Variants in UBE2E2 observed in about 807,000 individuals in gnomAD.
UBE2E2 encodes ubiquitin conjugating enzyme E2 E2, also known as ubiquitin-conjugating enzyme E2 E2.
In UBE2E2, 6 loss-of-function variants were observed where a neutral mutation model predicts 24.7. That is an observed-to-expected ratio of 0.24 (90% CI 0.13 to 0.48). The LOEUF is 0.48. Ranked by LOEUF, UBE2E2 falls within the 20% of genes least tolerant of loss-of-function variation. The pLI, the probability that UBE2E2 is intolerant of heterozygous loss-of-function variation, is 0.99. For missense variants in UBE2E2, 169 were observed against 245.0 expected (o/e 0.69, Z 2.07); for synonymous variants, 104 against 83.6 (o/e 1.24, Z -1.33).
intron 3 of UBE2E2, among the ~76,000 whole-genome samples, chr3:23,250,448 G>A (rs903176646): frequency 6.6e-6 from 1 of 152,044 alleles, no homozygotes; most frequent in South Asian, 2.1e-4. Context: ...GAAAAATGGT[G>A]GCATGAACTC....
intron 3 of UBE2E2, among the ~76,000 whole-genome samples, chr3:23,283,601 C>T (rs532928276): frequency 1.4e-4 from 21 of 151,876 alleles, no homozygotes; most frequent in African/African-American, 5.1e-4. Context: ...GTGGCACACA[C>T]TTATAGTCTC....
intron 5 of UBE2E2, among the ~76,000 whole-genome samples, chr3:23,537,863 G>C (rs1193132565): frequency 6.6e-6 from 1 of 152,130 alleles, no homozygotes; most frequent in Non-Finnish European, 1.5e-5. Flanking sequence ...CATTAAGTCA[G>C]ATTAATTATT....
chr3:23,253,207 T>C (rs1697622295), intron 3 of UBE2E2, among the ~76,000 whole-genome samples: 1 of 152,144 alleles, frequency 6.6e-6, no homozygotes, highest in South Asian at 2.1e-4. Flanking sequence ...AATTACACAC[T>C]AAAATGCTTT....
chr3:23,245,910 G>A (rs1390115180), intron 3 of UBE2E2, among the ~76,000 whole-genome samples: 1 of 152,132 alleles, frequency 6.6e-6, no homozygotes, highest in African/African-American at 2.4e-5. Flanking sequence ...TTGACCTGAG[G>A]TTGAACACTT....
chr3:23,228,883 G>A (rs984354401), intron 3 of UBE2E2, among the ~76,000 whole-genome samples: 6 of 152,062 alleles, frequency 3.9e-5, no homozygotes, highest in African/African-American at 1.4e-4. Context: ...ACACACTTTC[G>A]CCTATTTGGA....
intron 3 of UBE2E2, among the ~76,000 whole-genome samples, chr3:23,331,409 CAAAT>C (rs1442058233): frequency 2.1e-5 from 3 of 146,014 alleles, no homozygotes. Flanking sequence ...AGAAAATGAA[CAAAT>C]AAACTATATC....
chr3:23,398,255 G>A (rs906535490), intron 3 of UBE2E2, among the ~76,000 whole-genome samples: 2 of 145,634 alleles, frequency 1.4e-5, no homozygotes, highest in African/African-American at 5.2e-5. Context: ...AGAGGTTTCA[G>A]TGAGCTGAGA....
chr3:23,430,589 C>G (rs1698037941), intron 3 of UBE2E2, among the ~76,000 whole-genome samples: 2 of 152,012 alleles, frequency 1.3e-5, no homozygotes. Flanking sequence ...AGTGCAGTGG[C>G]ATAATCATGG....
chr3:23,584,097 T>C (rs1696549181), intron 5 of UBE2E2, among the ~76,000 whole-genome samples: 1 of 152,230 alleles, frequency 6.6e-6, no homozygotes, highest in Non-Finnish European at 1.5e-5. Flanking sequence ...GTTCCTTCAG[T>C]GCCTAGTTTG....
chr3:23,454,958 A>G (rs754473061), intron 3 of UBE2E2, among the ~76,000 whole-genome samples: 7 of 152,198 alleles, frequency 4.6e-5, no homozygotes, highest in Non-Finnish European at 8.8e-5. Context: ...GAGATTATGA[A>G]AAGTCATTGA....
chr3:23,210,484 T>C (rs1406528582), intron 2 of UBE2E2, among the ~76,000 whole-genome samples: 1 of 152,232 alleles, frequency 6.6e-6, no homozygotes, highest in Non-Finnish European at 1.5e-5. Context: ...ATTCTGCTTA[T>C]GAAAGATGTA....
chr3:23,273,239 A>G (rs1698294200), intron 3 of UBE2E2, among the ~76,000 whole-genome samples: 2 of 152,196 alleles, frequency 1.3e-5, no homozygotes, highest in East Asian at 1.9e-4. Context: ...TGAAACTGCA[A>G]CTTTAAGAGA....
intron 4 of UBE2E2, among the ~76,000 whole-genome samples, chr3:23,512,125 A>G (rs1694608994): frequency 6.6e-6 from 1 of 151,002 alleles, no homozygotes; most frequent in African/African-American, 2.4e-5. Context: ...CAACTGAGCT[A>G]TGAAGTGATC....
chr3:23,395,603 T>C (rs1697055363), intron 3 of UBE2E2, among the ~76,000 whole-genome samples: 1 of 152,212 alleles, frequency 6.6e-6, no homozygotes, highest in South Asian at 2.1e-4. Flanking sequence ...CACCTGGTTC[T>C]CTATCGAATT....
chr3:23,550,778 G>C (rs973078416), intron 5 of UBE2E2, among the ~76,000 whole-genome samples: 7 of 152,178 alleles, frequency 4.6e-5, no homozygotes, highest in Non-Finnish European at 8.8e-5. Context: ...AGAAACCAAA[G>C]AGAGAGGCCA....
chr3:23,415,773 C>G (rs550257483), intron 3 of UBE2E2, among the ~76,000 whole-genome samples: 27 of 152,020 alleles, frequency 1.8e-4, no homozygotes, highest in African/African-American at 6.5e-4. Flanking sequence ...ACTTTAAGTT[C>G]CAGGATACAT....
At chr3:23,236,002 G>T (rs1157603886) in intron 3 of UBE2E2, among the ~76,000 whole-genome samples, 2 of 152,140 alleles carry the variant, frequency 1.3e-5, no homozygotes, top group African/African-American at 4.8e-5. Flanking sequence ...TGATGAATTT[G>T]TGTGTGGAAA....
In UBE2E2 at chr3:23,432,739, TAG is replaced by T. The variant is rs1698089867; in HGVS notation, c.228-66865_228-66864del. Among the ~76,000 whole-genome samples, 9 of 152,106 alleles carry T rather than the reference TAG, an allele frequency of 5.9e-5. No individual in the cohort carries two copies. The South Asian group carries it at 1.9e-3, about 32-fold the overall frequency. On this transcript the variant is annotated intron_variant, in intron 3 of 5. Coordinates refer to ENST00000396703, the MANE Select transcript of UBE2E2 (RefSeq NM_152653.4). ...TTTTGAAAGAACTTTCCCAGCCATA[TAG>T]AGATGTATTTACATTATAGATTCAT...
intron 3 of UBE2E2, among the ~76,000 whole-genome samples, chr3:23,422,290 T>A (rs1697820916): frequency 6.6e-6 from 1 of 152,106 alleles, no homozygotes; most frequent in African/African-American, 2.4e-5. Flanking sequence ...CTATTTTAGA[T>A]AACATGGGCA....
Sources: gnomAD v4.1 joint callset for allele counts (sites outside exome capture counted in the v4.1 genomes callset) on GRCh38, gnomAD v4.1.1 for gene constraint, MANE v1.5 for transcripts, NCBI Gene and HGNC (gene_info 2026-07-23, HGNC 2026-07-21) for gene names.